The following XXYLT1 variants were observed in gnomAD, a reference collection of about 807,000 sequenced individuals.
The protein encoded by XXYLT1 is xyloside xylosyltransferase 1, also known as UDP-xylose:alpha-xyloside alpha-1,3-xylosyltransferase.
XXYLT1 carries 20 observed loss-of-function variants against 28.9 expected under a neutral mutation model. The ratio of observed to expected loss-of-function variants is 0.69; its 90% confidence interval spans 0.49 to 1.00. The LOEUF (loss-of-function observed/expected upper bound fraction) is 1.00. XXYLT1 is among the 50% of genes least tolerant of loss of function. The probability of loss-of-function intolerance (pLI) is 0.00; values close to 1 mark genes in which losing one functional copy is unlikely to be tolerated. For synonymous variants in XXYLT1, 257 were observed against 253.8 expected (o/e 1.01, Z -0.12); for missense variants, 542 against 560.1 (o/e 0.97, Z 0.33).
At chr3:195,166,287 TTTC>T (rs1468484419) in intron 2 of XXYLT1, among the ~76,000 whole-genome samples, 1 of 152,250 alleles carries the variant, frequency 6.6e-6, no homozygotes, top group Non-Finnish European at 1.5e-5. Flanking sequence ...TTCATTAGTT[TTTC>T]TTCTAATTAA....
At chr3:195,234,002 C>T (rs973881147) in intron 1 of XXYLT1, among the ~76,000 whole-genome samples, 1 of 151,568 alleles carries the variant, frequency 6.6e-6, no homozygotes, top group African/African-American at 2.4e-5. Flanking sequence ...CTGCAAGCTC[C>T]GCCTCCCAGG....
Position 195,182,860 on chromosome 3 carries a change from C to T in XXYLT1, c.653-26279G>A, listed in dbSNP as rs575096882. Among the ~76,000 whole-genome samples the T allele has an allele frequency of 1.1e-4, 16 of 152,210 alleles. No individual in the cohort carries two copies. In the South Asian group the frequency reaches 1.2e-3, roughly 12 times the overall value. On this transcript the variant is annotated intron_variant, in intron 2 of 3. Coordinates refer to ENST00000310380, the MANE Select transcript of XXYLT1 (RefSeq NM_152531.5). ...GGGCTGCCAAAACAACTCCCTGAAC[C>T]CCAAAAAATTACTGAGAAACTTCTA...
At chr3:195,202,511 T>C (rs1243287570) in intron 2 of XXYLT1, among the ~76,000 whole-genome samples, 1 of 151,156 alleles carries the variant, frequency 6.6e-6, no homozygotes, top group African/African-American at 2.4e-5. Context: ...TGCTGTCCAA[T>C]ATTATCCAGT....
chr3:195,164,454 G>A (rs1006670360), intron 2 of XXYLT1, among the ~76,000 whole-genome samples: 2 of 152,202 alleles, frequency 1.3e-5, no homozygotes, highest in Non-Finnish European at 2.9e-5. Context: ...AAGGACTACT[G>A]TCCTCTGTCC....
chr3:195,117,409 A>T (rs944928468), intron 3 of XXYLT1, among the ~76,000 whole-genome samples: 2 of 152,254 alleles, frequency 1.3e-5, no homozygotes, highest in African/African-American at 2.4e-5. Context: ...TTTTTCTATG[A>T]AGTACTGATG....
chr3:195,259,778 C>T lies in XXYLT1; in HGVS notation c.504+10777G>A. The T allele has an allele frequency of 1.2e-5, 7 of 596,864 alleles. No homozygotes were observed. The South Asian group carries it at 4.4e-4, about 37-fold the overall frequency. The allele number at this position is 596,864 out of a possible 1,614,324, so 37.0% of individuals were successfully genotyped here. A position where few individuals can be genotyped will look rare whatever the true frequency, so the allele number is the denominator to read the frequency against. ...CAAATTCCCCACCGGCGCCAGGATA[C>T]CGAGGGGCCACCCCCACCACGCGGC... On this transcript the variant is annotated intron_variant, in intron 1 of 3. Transcript: ENST00000310380.
At chr3:195,191,723 G>A (rs751499394) in intron 2 of XXYLT1, among the ~76,000 whole-genome samples, 5 of 152,202 alleles carry the variant, frequency 3.3e-5, no homozygotes, top group Non-Finnish European at 7.3e-5. Context: ...TTGAGTGGCT[G>A]TATTAACAAG....
rs1328628455 is a variant in XXYLT1 at position 195,143,796 on chromosome 3, A to ATATC, written c.785+12652_785+12653insGATA. Reference sequence around the variant, plus strand: ...AAATGTTCTCTCATTATATATATATATATAGATAGATATATATAGATATAG... The same window carrying ATATC: ...AAATGTTCTCTCATTATATATATATATATCTATAGATAGATATATATAGATATAG... On this transcript the variant is annotated intron_variant, in intron 3 of 3. Transcript: ENST00000310380. Among the ~76,000 whole-genome samples the ATATC allele has an allele frequency of 3.6e-5, 4 of 109,766 alleles. 1 individual carries two copies. The highest frequency in any genetic ancestry group is 5.5e-5 in the Non-Finnish European group (3 of 54,686). The allele number at this position is 109,766 out of a possible 152,430, so 72.0% of individuals were successfully genotyped here.
intron 1 of XXYLT1, 63 bp from the exon 2 acceptor site, chr3:195,226,919 CA>C: frequency 6.4e-7 from 1 of 1,572,004 alleles, no homozygotes; most frequent in Non-Finnish European, 8.6e-7. Context: ...GCTCAACACC[CA>C]ACAAGCACCT....
rs559696457 is a variant in XXYLT1 at position 195,100,416 on chromosome 3, C to G, written c.786-30305G>C. Among the ~76,000 whole-genome samples the G allele has an allele frequency of 2.1e-3, 320 of 152,336 alleles. 1 individual carries two copies. Among genetic ancestry groups the G allele is most frequent in the Middle Eastern group, 6.8e-3 (2 of 294 alleles). ...GACAAGGAGGGACACATTTAGCACA[C>G]ACATCACAGCGCCTCCCCCAGAAGG... On this transcript the variant is annotated intron_variant, in intron 3 of 3. Transcript: ENST00000310380.
chr3:195,191,663 T>C (rs1261325052), intron 2 of XXYLT1, among the ~76,000 whole-genome samples: 1 of 152,128 alleles, frequency 6.6e-6, no homozygotes, highest in Non-Finnish European at 1.5e-5. Flanking sequence ...AGTTTAAAGT[T>C]TAAAAAAATG....
At chr3:195,196,359 C>T (rs1360992277) in intron 2 of XXYLT1, among the ~76,000 whole-genome samples, 1 of 152,234 alleles carries the variant, frequency 6.6e-6, no homozygotes, top group East Asian at 1.9e-4. Flanking sequence ...AGCCCTGTGG[C>T]ACTCACCCTG....
At chr3:195,149,765 A>C (rs1277708725) in intron 3 of XXYLT1, among the ~76,000 whole-genome samples, 2 of 152,210 alleles carry the variant, frequency 1.3e-5, no homozygotes, top group East Asian at 3.8e-4. Flanking sequence ...CTGTTTTGCA[A>C]ATACCTTACA....
chr3:195,136,618 G>A (rs1463663865), intron 3 of XXYLT1, among the ~76,000 whole-genome samples: 1 of 152,154 alleles, frequency 6.6e-6, no homozygotes, highest in Non-Finnish European at 1.5e-5. Context: ...GAATTAGTAT[G>A]AGGAGCAAAT....
chr3:195,152,161 A>G (rs1404794874), intron 3 of XXYLT1: 1 of 152,626 alleles, frequency 6.6e-6, no homozygotes, highest in Admixed American at 6.5e-5. Flanking sequence ...TAGGCTGCAC[A>G]TAAAGAGGGC....
At chr3:195,234,989 C>G (rs1286680545) in intron 1 of XXYLT1, among the ~76,000 whole-genome samples, 1 of 151,224 alleles carries the variant, frequency 6.6e-6, no homozygotes, top group Admixed American at 6.6e-5. Flanking sequence ...AAGCCAGTAA[C>G]TCTTAGATTT....
intron 2 of XXYLT1, among the ~76,000 whole-genome samples, chr3:195,184,426 C>T (rs1722086320): frequency 6.6e-6 from 1 of 152,318 alleles, no homozygotes; most frequent in South Asian, 2.1e-4. Context: ...AACTGAACGG[C>T]ATGATCTTTA....
chr3:195,111,306 C>G (rs551681438), intron 3 of XXYLT1, among the ~76,000 whole-genome samples: 1 of 152,258 alleles, frequency 6.6e-6, no homozygotes, highest in South Asian at 2.1e-4. Flanking sequence ...CTCATCTTAA[C>G]AAATGACATC....
At position 195,078,051 on chromosome 3, in the gene XXYLT1, A is replaced by C. The variant is rs746577961; in HGVS notation, c.786-7940T>G. On this transcript the variant is annotated intron_variant, in intron 3 of 3. Coordinates refer to ENST00000310380, the MANE Select transcript of XXYLT1 (RefSeq NM_152531.5). This position sits in a 1 kb window ranked among gnomAD's most constrained non-coding sequence, Gnocchi z 5.0. ...AGAGATGAGGGGGAAGAGGCAGTGGAGGGGCTTTAAGCCTGGATCCCTACT... is the reference window on the plus strand; with the variant it reads ...AGAGATGAGGGGGAAGAGGCAGTGGCGGGGCTTTAAGCCTGGATCCCTACT... Among the ~76,000 whole-genome samples, 3 of 152,080 alleles carry C rather than the reference A, an allele frequency of 2.0e-5. No individual in the cohort carries two copies.
Sources: allele counts gnomAD v4.1 joint callset (sites outside exome capture counted in the v4.1 genomes callset), GRCh38; gene constraint gnomAD v4.1.1; non-coding constraint Gnocchi (gnomAD v3.1); transcripts MANE v1.5; gene names NCBI Gene and HGNC (gene_info 2026-07-23, HGNC 2026-07-21).